Variants in CLRN1 observed in about 807,000 individuals in gnomAD.
CLRN1 encodes clarin-1.
A neutral mutation model predicts 18.7 loss-of-function variants in CLRN1; 15 were observed. The ratio of observed to expected loss-of-function variants is 0.80; its 90% CI spans 0.54 to 1.23. The LOEUF is 1.23. Among genes scored for constraint, CLRN1 ranks in the 50% most tolerant of loss-of-function variants. CLRN1 has a pLI of 0.00. For missense variants in CLRN1, 311 were observed against 277.5 expected (o/e 1.12, Z -0.86); for synonymous variants, 104 against 102.9 (o/e 1.01, Z -0.07).
Position 150,939,738 on chromosome 3 carries a change from A to G in CLRN1, c.433+1844T>C, listed in dbSNP as rs140909602. ...TCTGTTAAAATTCTGTGTAATGGTC[A>G]TCAGTAAAACAGCACACCACCCGGA... On this transcript the variant is annotated intron_variant, in intron 2 of 2. Transcript: ENST00000327047. 1.2e-3 allele frequency among the ~76,000 whole-genome samples: 177 copies of G among 152,292 alleles called. 2 individuals are homozygous for G. The highest frequency in any genetic ancestry group is 8.9e-3 in the South Asian group (43 of 4,832).
chr3:150,944,791 T>G (rs903789704), intron 1 of CLRN1, among the ~76,000 whole-genome samples: 1 of 151,864 alleles, frequency 6.6e-6, no homozygotes, highest in Non-Finnish European at 1.5e-5. Context: ...TTACTTCAAA[T>G]TTTTTGTCCT....
intron 2 of CLRN1, among the ~76,000 whole-genome samples, chr3:150,931,751 C>T (rs1713159730): frequency 6.6e-6 from 1 of 152,210 alleles, no homozygotes; most frequent in Non-Finnish European, 1.5e-5. Context: ...ATCAGTCCTA[C>T]ATGTCTCTCT....
chr3:150,943,700 A>G, intron 1 of CLRN1: 7 of 1,538,356 alleles, frequency 4.6e-6, no homozygotes, highest in Non-Finnish European at 6.3e-6. Context: ...GAGGGCAGCC[A>G]CCCTACATGA....
chr3:150,937,701 T>C (rs1713574338), intron 2 of CLRN1, among the ~76,000 whole-genome samples: 1 of 152,140 alleles, frequency 6.6e-6, no homozygotes, highest in African/African-American at 2.4e-5. Context: ...CATGCAACAA[T>C]ATTACATGGA....
At chr3:150,948,213 G>A (rs1040003244) in intron 1 of CLRN1, among the ~76,000 whole-genome samples, 3 of 151,540 alleles carry the variant, frequency 2.0e-5, no homozygotes, top group South Asian at 2.1e-4. Flanking sequence ...GGCCGGGCGC[G>A]GTGGCTCACG....
chr3:150,940,359 C>T (rs1293518355), intron 2 of CLRN1: 2 of 782,068 alleles, frequency 2.6e-6, no homozygotes, highest in African/African-American at 1.8e-5. Flanking sequence ...ACAGAGGCTA[C>T]ACTGCAAGTG....
At chr3:150,938,463 C>T (rs1331667137) in intron 2 of CLRN1, among the ~76,000 whole-genome samples, 6 of 152,130 alleles carry the variant, frequency 3.9e-5, no homozygotes, top group Non-Finnish European at 7.3e-5. Flanking sequence ...GTTCCAAGGG[C>T]TTCTGGGTAC....
chr3:150,956,514 C>A (rs533519144), intron 1 of CLRN1, among the ~76,000 whole-genome samples: 3 of 152,046 alleles, frequency 2.0e-5, no homozygotes, highest in East Asian at 3.9e-4. Context: ...AGAGAGAAAG[C>A]GAAAAAGGAA....
chr3:150,954,488 GAA>G (rs1332562475), intron 1 of CLRN1, among the ~76,000 whole-genome samples: 1 of 152,070 alleles, frequency 6.6e-6, no homozygotes, highest in African/African-American at 2.4e-5. Flanking sequence ...ATTGAGTTTT[GAA>G]AAGTCTTTAT....
At chr3:150,955,628 C>G (rs1288334694) in intron 1 of CLRN1, among the ~76,000 whole-genome samples, 1 of 152,070 alleles carries the variant, frequency 6.6e-6, no homozygotes, top group Admixed American at 6.6e-5. Context: ...GGGGGATTGT[C>G]AACATGTTAC....
chr3:150,935,547 T>A (rs1056314520), intron 2 of CLRN1, among the ~76,000 whole-genome samples: 2 of 151,294 alleles, frequency 1.3e-5, no homozygotes, highest in South Asian at 4.2e-4. Flanking sequence ...TCTATCATTG[T>A]TGGACATTTA....
At chr3:150,969,475 C>A (rs2107992436) in intron 1 of CLRN1, among the ~76,000 whole-genome samples, 1 of 150,434 alleles carries the variant, frequency 6.6e-6, no homozygotes, top group South Asian at 2.1e-4. Flanking sequence ...TACAGGCGCC[C>A]CCGCCACGCC....
intron 2 of CLRN1, among the ~76,000 whole-genome samples, chr3:150,941,138 G>GTCTGTCTATCTA (rs373144676): frequency 5.2e-4 from 73 of 141,534 alleles, no homozygotes; most frequent in Middle Eastern, 3.6e-3. Context: ...CTGTCTGTCT[G>GTCTGTCTATCTA]TCTATCTATC....
intron 1 of CLRN1, among the ~76,000 whole-genome samples, chr3:150,963,937 A>G (rs1298332641): frequency 6.6e-6 from 1 of 152,154 alleles, no homozygotes; most frequent in Non-Finnish European, 1.5e-5. Flanking sequence ...AGATTTAAAC[A>G]TAAGACCTAA....
At chr3:150,941,104 C>T (rs1169283410) in intron 2 of CLRN1, among the ~76,000 whole-genome samples, 1 of 150,884 alleles carries the variant, frequency 6.6e-6, no homozygotes, top group African/African-American at 2.4e-5. Context: ...ACAACCACGA[C>T]CAACAGATTG....
intron 1 of CLRN1, chr3:150,945,552 A>G (rs1434515870): frequency 7.8e-7 from 1 of 1,287,068 alleles, no homozygotes; most frequent in Admixed American, 2.3e-5. Flanking sequence ...AGTGCTATCC[A>G]ATAGGGAGCA....
intron 1 of CLRN1, among the ~76,000 whole-genome samples, chr3:150,963,777 T>C (rs919695189): frequency 2.6e-5 from 4 of 152,216 alleles, no homozygotes; most frequent in Non-Finnish European, 4.4e-5. Flanking sequence ...TACAACCATC[T>C]GCTCTTTGAC....
intron 1 of CLRN1, among the ~76,000 whole-genome samples, chr3:150,948,881 C>T (rs1421324339): frequency 2.0e-5 from 3 of 152,152 alleles, no homozygotes; most frequent in African/African-American, 7.2e-5. Context: ...CATTCTGATA[C>T]CAAAACCTGA....
chr3:150,942,645 G>T, intron 1 of CLRN1: 1 of 446,880 alleles, frequency 2.2e-6, no homozygotes, highest in Non-Finnish European at 4.5e-6. Context: ...ATAACCTAAT[G>T]GGAGAAGACA....
Sources: gnomAD v4.1 joint callset for allele counts (sites outside exome capture counted in the v4.1 genomes callset) on GRCh38, gnomAD v4.1.1 for gene constraint, MANE v1.5 for transcripts, NCBI Gene and HGNC (gene_info 2026-07-23, HGNC 2026-07-21) for gene names.